Variants in POLN observed in about 807,000 individuals in gnomAD.
POLN encodes the protein DNA polymerase N.
POLN carries 108 observed loss-of-function variants against 113.5 expected under a neutral mutation model. That is an observed-to-expected ratio of 0.95 (90% CI 0.81 to 1.12). The LOEUF is 1.12. Ranked by LOEUF, POLN falls within the 50% of genes most tolerant of loss-of-function variation. POLN has a pLI of 0.00. For missense variants in POLN, 1,097 were observed against 1,077.1 expected (o/e 1.02, Z -0.26); for synonymous variants, 386 against 391.5 (o/e 0.99, Z 0.17).
rs578104720 is a variant in POLN at position 2,216,489 on chromosome 4, G to A, written c.134-3363C>T. Among the ~76,000 whole-genome samples, 11 of 152,306 alleles carry A rather than the reference G, an allele frequency of 7.2e-5. No individual in the cohort carries two copies. In the East Asian group the frequency reaches 1.9e-3, roughly 27 times the overall value. On this transcript the variant is annotated intron_variant, in intron 3 of 25. Transcript: ENST00000511885. ...GGTGTCACCTCCAGGCTGCACACGA[G>A]GTGAGCTGTGCCTTCCACAGACCAT...
intron 4 of POLN, among the ~76,000 whole-genome samples, chr4:2,211,030 C>A (rs1166785142): frequency 6.6e-6 from 1 of 150,572 alleles, no homozygotes; most frequent in Non-Finnish European, 1.5e-5. Flanking sequence ...GCAGGCAGAT[C>A]ACCAGAGGTC....
At chr4:2,168,959 C>T (rs1732794788) in intron 13 of POLN, among the ~76,000 whole-genome samples, 1 of 152,168 alleles carries the variant, frequency 6.6e-6, no homozygotes, top group African/African-American at 2.4e-5. Flanking sequence ...GAGTTGTGTG[C>T]AGAAAATAAC....
At chr4:2,138,313 T>A (rs1337596445) in intron 16 of POLN, among the ~76,000 whole-genome samples, 1 of 152,158 alleles carries the variant, frequency 6.6e-6, no homozygotes, top group African/African-American at 2.4e-5. Flanking sequence ...GACCAGACAT[T>A]AGTTACCCCA....
intron 17 of POLN, among the ~76,000 whole-genome samples, chr4:2,129,743 CTGTT>C (rs1380400561): frequency 6.6e-6 from 1 of 152,102 alleles, no homozygotes; most frequent in Admixed American, 6.5e-5. Context: ...ACTAGGTTTT[CTGTT>C]TTTTTTAATT....
rs756479892 is a variant in POLN, at chr4:2,126,336, A to C, written c.1982+1777T>G. Among the ~76,000 whole-genome samples the C allele has an allele frequency of 1.2e-4, 18 of 152,382 alleles. No homozygotes were observed. In the South Asian group the frequency reaches 1.2e-3, roughly 11 times the overall value. ...CTTCCTGAATTTTGTCATTCAAGTA[A>C]GAGTCCTGTGGTGGTAGCCTTTTTG... On this transcript the variant is annotated intron_variant, in intron 19 of 25. Coordinates refer to ENST00000511885, the MANE Select transcript of POLN (RefSeq NM_181808.4). This position sits in a 1 kb window ranked among gnomAD's most constrained non-coding sequence, Gnocchi z 4.6.
chr4:2,183,348 A>G (rs1286261042), intron 7 of POLN, among the ~76,000 whole-genome samples: 1 of 152,236 alleles, frequency 6.6e-6, no homozygotes, highest in Admixed American at 6.5e-5. Context: ...AGACCTTTAC[A>G]CCAAAGTTCA....
chr4:2,129,434 G>T (rs779622743), intron 17 of POLN, among the ~76,000 whole-genome samples, 178 bp from the exon 18 acceptor site: 1 of 152,086 alleles, frequency 6.6e-6, no homozygotes, highest in Admixed American at 6.5e-5. Flanking sequence ...TGTTGCCCAG[G>T]CTGGAGTGCA....
At chr4:2,207,920 G>T in intron 5 of POLN, 67 bp downstream of exon 5, 1 of 1,496,872 alleles carries the variant, frequency 6.7e-7, no homozygotes, top group South Asian at 1.4e-5. Context: ...ATCAAAATCT[G>T]ACACTAAGAA....
At position 2,127,536 on chromosome 4, in the gene POLN, C is replaced by G. The variant is rs954945281; in HGVS notation, c.1982+577G>C. On this transcript the variant is annotated intron_variant, in intron 19 of 25. Transcript: ENST00000511885. The surrounding 1 kb of genome is among the most constrained non-coding windows in gnomAD (Gnocchi z 4.7). ...AGAGCCTTGCACCCGTCTCTCCATC[C>G]TGCTTTGGAGACCGGAGCAGGTATT... 2.0e-5 allele frequency among the ~76,000 whole-genome samples: 3 copies of G among 152,188 alleles called. No homozygotes were observed. Among genetic ancestry groups the G allele is most frequent in the African/African-American group, 7.2e-5 (3 of 41,440 alleles).
chr4:2,093,497 G>A lies in POLN; in HGVS notation c.2065+2354C>T, dbSNP rs955075621. Among the ~76,000 whole-genome samples, 10 of 152,242 alleles carry A rather than the reference G, an allele frequency of 6.6e-5. No homozygotes were observed. Among genetic ancestry groups the A allele is most frequent in the African/African-American group, 2.4e-4 (10 of 41,462 alleles). ...GGAGGGCCTTGCACAAGGCCACACA[G>A]TCAGGAGCTGATAGGGTTGGGGATC... On this transcript the variant is annotated intron_variant, in intron 20 of 25. Transcript: ENST00000511885. The surrounding 1 kb of genome is among the most constrained non-coding windows in gnomAD (Gnocchi z 4.1).
chr4:2,179,922 C>T (rs35173758), intron 7 of POLN, among the ~76,000 whole-genome samples: 12,938 of 152,214 alleles, frequency 0.085, 845 homozygotes, highest in African/African-American at 0.17. Flanking sequence ...CCAAGCCTCT[C>T]GAGCAAAAGG....
chr4:2,167,432 A>G (rs551970357), intron 13 of POLN, among the ~76,000 whole-genome samples: 1 of 152,224 alleles, frequency 6.6e-6, no homozygotes, highest in East Asian at 1.9e-4. Context: ...AATTCCCACT[A>G]TACCCCAGCA....
Position 2,081,250 on chromosome 4 carries a change from G to A in POLN, c.2309-214C>T, listed in dbSNP as rs1011968212. The A allele has an allele frequency of 5.5e-6, 8 of 1,453,424 alleles. No individual in the cohort carries two copies. The Admixed American group carries it at 1.2e-4, about 22-fold the overall frequency. The allele number at this position is 1,453,424 out of a possible 1,614,324, so 90.0% of individuals were successfully genotyped here. On this transcript the variant is annotated intron_variant, in intron 22 of 25. Coordinates refer to ENST00000511885, the MANE Select transcript of POLN (RefSeq NM_181808.4). ...CCTGCAGGGCACCTGGGTTTTGGGTGCCTTACTCCTGGAGGCCTCACCCCT... is the reference window on the plus strand; with the variant it reads ...CCTGCAGGGCACCTGGGTTTTGGGTACCTTACTCCTGGAGGCCTCACCCCT...
intron 16 of POLN, among the ~76,000 whole-genome samples, chr4:2,133,220 A>G (rs937040155): frequency 6.6e-6 from 1 of 152,030 alleles, no homozygotes; most frequent in African/African-American, 2.4e-5. Context: ...GTTGGTGGGA[A>G]AGTAAATTAG....
intron 16 of POLN, among the ~76,000 whole-genome samples, chr4:2,149,503 G>A (rs890227691): frequency 1.3e-5 from 2 of 152,132 alleles, no homozygotes; most frequent in East Asian, 1.9e-4. Flanking sequence ...GGAAATGAGG[G>A]CATTGGAAAC....
chr4:2,200,639 G>T (rs1326572888), intron 5 of POLN, among the ~76,000 whole-genome samples: 1 of 152,098 alleles, frequency 6.6e-6, no homozygotes, highest in African/African-American at 2.4e-5. Flanking sequence ...TCAGCTCTCA[G>T]GAAGCCACAT....
At chr4:2,190,476 ATTTT>A (rs57891968) in intron 7 of POLN, among the ~76,000 whole-genome samples, 1 of 147,656 alleles carries the variant, frequency 6.8e-6, no homozygotes. Flanking sequence ...CTGGGCAATG[ATTTT>A]TTTTTTTTTA....
intron 7 of POLN, among the ~76,000 whole-genome samples, chr4:2,181,748 G>A (rs1295899001): frequency 6.6e-6 from 1 of 152,134 alleles, no homozygotes; most frequent in South Asian, 2.1e-4. Flanking sequence ...GGAGGCCGAA[G>A]CAGGCAGATC....
intron 6 of POLN, among the ~76,000 whole-genome samples, chr4:2,193,959 A>G (rs1316940046): frequency 6.6e-6 from 1 of 152,182 alleles, no homozygotes; most frequent in African/African-American, 2.4e-5. Context: ...TTGTCTCTCC[A>G]TTACACCATA....
Sources: gnomAD v4.1 joint callset for allele counts (sites outside exome capture counted in the v4.1 genomes callset) on GRCh38, gnomAD v4.1.1 for gene constraint, Gnocchi (gnomAD v3.1) non-coding constraint, MANE v1.5 for transcripts, NCBI Gene and HGNC (gene_info 2026-07-23, HGNC 2026-07-21) for gene names.